Variants in CACNA2D4 observed in about 807,000 individuals in gnomAD.
CACNA2D4 encodes the protein voltage-dependent calcium channel subunit alpha-2/delta-4.
CACNA2D4 carries 157 observed loss-of-function variants against 163.8 expected under a neutral mutation model. The observed-to-expected ratio is 0.96, with a 90% CI of 0.84 to 1.09. The LOEUF (loss-of-function observed/expected upper bound fraction) is 1.09. CACNA2D4 is among the 50% of genes least tolerant of loss of function. The pLI is 0.00. For missense variants in CACNA2D4, 1,410 were observed against 1,479.9 expected (o/e 0.95, Z 0.78); for synonymous variants, 598 against 586.9 (o/e 1.02, Z -0.27).
At chr12:1,796,268 GGCCC>G in intron 35 of CACNA2D4, among the ~76,000 whole-genome samples, 1 of 152,328 alleles carries the variant, frequency 6.6e-6, no homozygotes, top group East Asian at 1.9e-4. Flanking sequence ...CCGCCCGCCA[GGCCC>G]ACGGCCTTCC....
chr12:1,851,391 T>C (rs946236174), intron 23 of CACNA2D4, among the ~76,000 whole-genome samples: 1 of 152,234 alleles, frequency 6.6e-6, no homozygotes, highest in South Asian at 2.1e-4. Flanking sequence ...GAAAAGAACA[T>C]AATTTTATCA....
rs7960114 is a variant in CACNA2D4, at chr12:1,799,107, C to T, written c.2995+568G>A. On this transcript the variant is annotated intron_variant, in intron 34 of 37. Transcript: ENST00000382722. The surrounding 1 kb of genome is among the most constrained non-coding windows in gnomAD (Gnocchi z 4.7). ...AGCAGAGCCCGCTGAGGCAAGATGG[C>T]CTCCTGCAGTCATGGAGGGCCCAGG... 0.088 allele frequency among the ~76,000 whole-genome samples: 13,398 copies of T among 152,252 alleles called. 719 individuals are homozygous for T. The highest frequency in any genetic ancestry group is 0.18 in the Admixed American group (2,785 of 15,306).
intron 6 of CACNA2D4, among the ~76,000 whole-genome samples, chr12:1,905,179 A>G (rs551057375): frequency 6.6e-6 from 1 of 152,128 alleles, no homozygotes; most frequent in Non-Finnish European, 1.5e-5. Context: ...TTTGATGACA[A>G]AAACATTAAA....
intron 26 of CACNA2D4, among the ~76,000 whole-genome samples, chr12:1,817,710 T>C (rs28541518): frequency 0.037 from 5,693 of 152,180 alleles, 203 homozygotes; most frequent in African/African-American, 0.083. Context: ...GGTCTCCAGC[T>C]CCTAACCGCG....
intron 37 of CACNA2D4, among the ~76,000 whole-genome samples, chr12:1,794,558 C>G (rs1313376075): frequency 1.3e-5 from 2 of 152,208 alleles, no homozygotes; most frequent in Non-Finnish European, 2.9e-5. Context: ...ATCTAGGGTT[C>G]CCATGAGCCT....
chr12:1,897,599 A>C lies in CACNA2D4; in HGVS notation c.781+9841T>G, dbSNP rs947884543. On this transcript the variant is annotated intron_variant, in intron 6 of 37. Transcript: ENST00000382722. ...ATATGCTTAACTTGCTAACTAGTAA[A>C]AGAGATTGCCAGTTTGGATAAAAAT... Among the ~76,000 whole-genome samples the C allele has an allele frequency of 1.1e-4, 16 of 152,188 alleles. 1 individual carries two copies. The highest frequency in any genetic ancestry group is 3.9e-4 in the African/African-American group (16 of 41,454).
intron 30 of CACNA2D4, 54 bp from the exon 31 acceptor site, chr12:1,801,172 C>T (rs1863310847): frequency 1.3e-6 from 2 of 1,490,140 alleles, no homozygotes; most frequent in Non-Finnish European, 1.9e-6. Context: ...ACCCCCTGCC[C>T]CTGCCTCAGG....
At chr12:1,866,174 G>C (rs1050325241) in intron 18 of CACNA2D4, among the ~76,000 whole-genome samples, 4 of 152,096 alleles carry the variant, frequency 2.6e-5, no homozygotes, top group Non-Finnish European at 4.4e-5. Context: ...GAGGGAAGAA[G>C]TTTCTTTCTG....
chr12:1,915,811 C>T (rs1030380676), intron 1 of CACNA2D4, among the ~76,000 whole-genome samples: 3 of 152,194 alleles, frequency 2.0e-5, no homozygotes, highest in Non-Finnish European at 2.9e-5. Flanking sequence ...CCAGATGGAG[C>T]GGAAGTGGTT....
intron 18 of CACNA2D4, among the ~76,000 whole-genome samples, chr12:1,870,805 A>T (rs534721280): frequency 6.6e-6 from 1 of 152,216 alleles, no homozygotes; most frequent in South Asian, 2.1e-4. Flanking sequence ...AGAGAGCGCG[A>T]GAGGTCTGGA....
chr12:1,839,779 A>T (rs1362913372), intron 26 of CACNA2D4, among the ~76,000 whole-genome samples: 1 of 151,994 alleles, frequency 6.6e-6, no homozygotes, highest in Non-Finnish European at 1.5e-5. Flanking sequence ...GAGACGGAGC[A>T]GGTAAGGGAA....
At chr12:1,822,962 C>T (rs1394711943) in intron 26 of CACNA2D4, among the ~76,000 whole-genome samples, 2 of 152,234 alleles carry the variant, frequency 1.3e-5, no homozygotes, top group African/African-American at 4.8e-5. Context: ...CCCCTGCAGG[C>T]CCAGGGTGTG....
chr12:1,845,344 G>A (rs373562906), intron 24 of CACNA2D4, among the ~76,000 whole-genome samples: 88 of 150,350 alleles, frequency 5.9e-4, no homozygotes, highest in East Asian at 5.0e-3. Flanking sequence ...AAGGGTCAGG[G>A]AGGCAGTGGT....
chr12:1,893,417 A>G (rs937662125), intron 6 of CACNA2D4, among the ~76,000 whole-genome samples: 4 of 152,156 alleles, frequency 2.6e-5, no homozygotes, highest in African/African-American at 9.6e-5. Flanking sequence ...TACTTGGGAG[A>G]CTGAGGCAGA....
At position 1,793,613 on chromosome 12, in the gene CACNA2D4, G is replaced by A. The variant is rs1321328469; in HGVS notation, c.*42C>T. ...AGTGCTGACTTTTTGGGATGGCTCT[G>A]GAAGGATCACCTTGCCAAAACACAG... is the stretch of plus-strand genomic sequence containing the variant. On this transcript the variant is annotated 3_prime_UTR_variant, in exon 38 of 38. Transcript: ENST00000382722. 1 of 1,568,326 alleles carries A rather than the reference G, an allele frequency of 6.4e-7. No individual in the cohort carries two copies. The highest frequency in any genetic ancestry group is 1.7e-5 in the Admixed American group (1 of 59,906).
chr12:1,907,298 A>T lies in CACNA2D4; in HGVS notation c.781+142T>A, dbSNP rs1866682305. 1.0e-5 allele frequency: 7 copies of T among 676,034 alleles called. No individual in the cohort carries two copies. The South Asian group carries it at 1.4e-4, about 13-fold the overall frequency. 41.9% of individuals were successfully genotyped at this position (676,034 alleles called of 1,614,324 possible). On this transcript the variant is annotated intron_variant, in intron 6 of 37. Transcript: ENST00000382722. ...CATATCATGCAGTGAGAAGGGCTAA[A>T]GTGTGGGCTTGGAGATGCTTTGGGA...
At chr12:1,912,145 C>T (rs920716738) in intron 3 of CACNA2D4, among the ~76,000 whole-genome samples, 1 of 152,230 alleles carries the variant, frequency 6.6e-6, no homozygotes, top group African/African-American at 2.4e-5. Context: ...GCCCTATCTG[C>T]CCCTTCCCCT....
intron 29 of CACNA2D4, among the ~76,000 whole-genome samples, chr12:1,801,937 A>C (rs1565671831): frequency 2.6e-5 from 4 of 151,952 alleles, no homozygotes. Flanking sequence ...ATGGTACAGA[A>C]TTCCTTGGAA....
At chr12:1,851,694 TTC>T (rs796908396) in intron 23 of CACNA2D4, among the ~76,000 whole-genome samples, 3,587 of 27,346 alleles carry the variant, frequency 0.13, 125 homozygotes, top group African/African-American at 0.19. Context: ...TTTTTTTTTT[TTC>T]CAGAGATTTC....
Sources: gnomAD v4.1 joint callset for allele counts (sites outside exome capture counted in the v4.1 genomes callset) on GRCh38, gnomAD v4.1.1 for gene constraint, Gnocchi (gnomAD v3.1) non-coding constraint, MANE v1.5 for transcripts, NCBI Gene and HGNC (gene_info 2026-07-23, HGNC 2026-07-21) for gene names.